The following PDK1 variants were observed in gnomAD, a reference collection of about 807,000 sequenced individuals.
PDK1 encodes the protein pyruvate dehydrogenase kinase 1.
A neutral mutation model predicts 54.2 loss-of-function variants in PDK1; 39 were observed. The observed-to-expected ratio is 0.72, with a 90% confidence interval of 0.56 to 0.94. The LOEUF is 0.94. Among genes scored for constraint, PDK1 ranks in the 40% least tolerant of loss-of-function variants. PDK1 has a pLI of 0.00. For synonymous variants in PDK1, 221 were observed against 207.1 expected (o/e 1.07, Z -0.58); for missense variants, 552 against 566.0 (o/e 0.98, Z 0.25).
At chr2:172,616,934 A>C in the PDK1 span, among the ~76,000 whole-genome samples, 2 of 152,212 alleles carry the variant, frequency 1.3e-5, no homozygotes, top group South Asian at 4.1e-4. Context: ...TAATTTATAA[A>C]AATAATGATT....
rs982239707 is a variant in PDK1 at position 172,603,327 on chromosome 2, T to C, written c.*7358T>C. 2.0e-5 allele frequency: 3 copies of C among 152,222 alleles called. No individual in the cohort carries two copies. The highest frequency in any genetic ancestry group is 2.0e-4 in the Admixed American group (3 of 15,278). The allele number at this position is 152,222 out of a possible 1,614,324, so 9.4% of individuals were successfully genotyped here. On this transcript the variant is annotated 3_prime_UTR_variant, in exon 11 of 11. Transcript: ENST00000282077. ...CCTGATATACAGGGTACTTGGTGGA[T>C]GTGTCCATGACCTCGAGATCGAAAA...
At chr2:172,611,706 T>G (rs1488330858), downstream of PDK1, among the ~76,000 whole-genome samples, 1 of 152,216 alleles carries the variant, frequency 6.6e-6, no homozygotes, top group Admixed American at 6.5e-5. Context: ...CATGACCAAA[T>G]GTGATTTATC....
intron 8 of PDK1, among the ~76,000 whole-genome samples, chr2:172,581,922 G>T (rs1000133253): frequency 1.3e-5 from 2 of 151,872 alleles, no homozygotes; most frequent in Non-Finnish European, 2.9e-5. Flanking sequence ...GTGTGTGTGT[G>T]TTTTTTTATA....
At chr2:172,704,059 C>A in the PDK1 span, among the ~76,000 whole-genome samples, 1 of 152,166 alleles carries the variant, frequency 6.6e-6, no homozygotes, top group Non-Finnish European at 1.5e-5. Context: ...CACGTGTGAG[C>A]CACCGTGCCC....
At chr2:172,580,256 T>A (rs1399284426) in intron 8 of PDK1, among the ~76,000 whole-genome samples, 2 of 125,672 alleles carry the variant, frequency 1.6e-5, no homozygotes, top group East Asian at 2.5e-4. Context: ...TTTTTTTTTT[T>A]AGCTCAGATG....
the PDK1 span, among the ~76,000 whole-genome samples, chr2:172,655,367 A>G: frequency 6.6e-6 from 1 of 152,194 alleles, no homozygotes; most frequent in African/African-American, 2.4e-5. Context: ...TCACACATTC[A>G]TCATTCCAGG....
At position 172,556,231 on chromosome 2, in the gene PDK1, C is replaced by CTGA. The variant is rs753625388; in HGVS notation, c.82_83insGAT (p.Ser27_Phe28insTer). 6.9e-7 allele frequency: 1 copy of CTGA among 1,449,832 alleles called. No individual in the cohort carries two copies. Among genetic ancestry groups the CTGA allele is most frequent in the South Asian group, 1.4e-5 (1 of 73,970 alleles). 89.8% of individuals were successfully genotyped at this position (1,449,832 alleles called of 1,614,324 possible). A position where few individuals can be genotyped will look rare whatever the true frequency, so the allele number is the denominator to read the frequency against. ...TGCGCGCCGCCGGCTTCAGCCGCAG[C>CTGA]TTCAGCTCGGACTCGGGCTCCAGCC... On this transcript the variant is annotated stop_gained and inframe_insertion, in exon 1 of 11. Transcript: ENST00000282077. LOFTEE classifies it high-confidence loss of function.
At chr2:172,616,944 T>A in the PDK1 span, among the ~76,000 whole-genome samples, 13 of 152,120 alleles carry the variant, frequency 8.5e-5, no homozygotes, top group Admixed American at 7.2e-4. Flanking sequence ...AAATAATGAT[T>A]GGTTATTTTA....
the PDK1 span, among the ~76,000 whole-genome samples, chr2:172,637,515 A>G: frequency 6.6e-6 from 1 of 152,330 alleles, no homozygotes; most frequent in African/African-American, 2.4e-5. Context: ...CATCCTTAGG[A>G]TATTTAGAAA....
chr2:172,561,255 A>G (rs1038569339), intron 2 of PDK1, among the ~76,000 whole-genome samples: 1 of 152,246 alleles, frequency 6.6e-6, no homozygotes, highest in African/African-American at 2.4e-5. Flanking sequence ...AGGTACTCAA[A>G]TATCTCTTGG....
chr2:172,692,422 A>T, the PDK1 span, among the ~76,000 whole-genome samples: 3 of 152,216 alleles, frequency 2.0e-5, no homozygotes, highest in Non-Finnish European at 4.4e-5. Context: ...TCACTTAAAC[A>T]AGCCACTAAA....
At position 172,565,070 on chromosome 2, in the gene PDK1, A is replaced by C. The variant is rs755860725; in HGVS notation, c.688A>C (p.Lys230Gln). 1 of 1,548,624 alleles carries C rather than the reference A, an allele frequency of 6.5e-7. No individual in the cohort carries two copies. Among genetic ancestry groups the C allele is most frequent in the African/African-American group, 1.4e-5 (1 of 73,728 alleles). ...AAACTGCAATGTACTTGAAGTTATT[A>C]AAGGTAAATACTGACATTTCTCCTT... ...NPNCNVLEVI[K>Q]DGYENARRLC... is the part of the protein sequence containing the mutation. The change falls in exon 5 of 11, where the codon AAA (lysine) becomes CAA (glutamine). Residue 230 changes from lysine to glutamine, a missense_variant. Coordinates refer to ENST00000282077, the MANE Select transcript of PDK1 (RefSeq NM_002610.5).
At chr2:172,658,504 G>A in the PDK1 span, among the ~76,000 whole-genome samples, 3 of 152,136 alleles carry the variant, frequency 2.0e-5, no homozygotes, top group African/African-American at 7.2e-5. Flanking sequence ...CAGAATAACA[G>A]CAATTTTTAG....
In PDK1 at chr2:172,562,285, T is replaced by C; in HGVS notation, c.404T>C (p.Ile135Thr). Residue 135 changes from isoleucine to threonine, a missense_variant, in exon 3 of 11, where the codon ATT becomes ACT. Physicochemically the swap from Ile to Thr is moderately conservative, Grantham distance 89. Coordinates refer to ENST00000282077, the MANE Select transcript of PDK1 (RefSeq NM_002610.5). ...KDKSAEDAKA[I>T]YDFTDTVIRI... Reference sequence around the variant, plus strand: ...AAAAGTGCTGAGGATGCTAAAGCTATTTATGAGTAAGTTCACTATTTTGAC... The same window carrying C: ...AAAAGTGCTGAGGATGCTAAAGCTACTTATGAGTAAGTTCACTATTTTGAC... The C allele has an allele frequency of 1.9e-6, 3 of 1,583,786 alleles. No homozygotes were observed. Among genetic ancestry groups the C allele is most frequent in the Non-Finnish European group, 2.6e-6 (3 of 1,152,822 alleles).
At chr2:172,653,366 G>A in the PDK1 span, among the ~76,000 whole-genome samples, 1 of 152,164 alleles carries the variant, frequency 6.6e-6, no homozygotes, top group Non-Finnish European at 1.5e-5. Flanking sequence ...ACTTTGGGAG[G>A]CTAAGGTGCG....
In PDK1 at chr2:172,586,379, A is replaced by T; in HGVS notation, c.1047A>T (p.Ala349=). ...GACCTCGTGTTGAGACCTCCCGCGC[A>T]GTGCCTCTGGTATGTTATCAAGAAA... The part of the protein sequence containing the change: ...APRPRVETSR[A]VPLAGFGYGL... The change falls in exon 9 of 11, where the codon GCA becomes GCT. Residue 349 remains alanine, a synonymous_variant. Transcript: ENST00000282077. 1 of 1,585,326 alleles carries T rather than the reference A, an allele frequency of 6.3e-7. No homozygotes were observed. Among genetic ancestry groups the T allele is most frequent in the African/African-American group, 1.3e-5 (1 of 74,408 alleles).
the PDK1 span, among the ~76,000 whole-genome samples, chr2:172,641,667 C>T: frequency 2.6e-5 from 4 of 152,152 alleles, no homozygotes; most frequent in South Asian, 2.1e-4. Flanking sequence ...TGATCTCAAA[C>T]TCCTGACCTC....
the PDK1 span, among the ~76,000 whole-genome samples, chr2:172,634,262 A>ATTATTATTATTATTATTAT: frequency 5.0e-5 from 7 of 139,472 alleles, no homozygotes; most frequent in African/African-American, 1.6e-4. Flanking sequence ...AAATCTATTT[A>ATTATTATTATTATTATTAT]TATTATTATT....
the PDK1 span, among the ~76,000 whole-genome samples, chr2:172,658,027 CCTT>C: frequency 1.1e-3 from 166 of 152,244 alleles, 1 homozygote; most frequent in Middle Eastern, 0.017. Flanking sequence ...GTGCCTGGCT[CCTT>C]CTAATGATCA....
Sources: gnomAD v4.1 joint callset for allele counts (sites outside exome capture counted in the v4.1 genomes callset) on GRCh38, gnomAD v4.1.1 for gene constraint, MANE v1.5 for transcripts, NCBI Gene and HGNC (gene_info 2026-07-23, HGNC 2026-07-21) for gene names.